ESRRG: variants seen among roughly 807,000 people sequenced by gnomAD.
ESRRG encodes the protein estrogen-related receptor gamma.
ESRRG carries 13 observed loss-of-function variants against 44.0 expected under a neutral mutation model. The ratio of observed to expected loss-of-function variants is 0.30; its 90% CI spans 0.19 to 0.47. The LOEUF (loss-of-function observed/expected upper bound fraction) is 0.47, where lower values mean the gene tolerates loss of function less well. Among genes scored for constraint, ESRRG ranks in the 20% least tolerant of loss-of-function variants. The pLI, the probability that ESRRG is intolerant of heterozygous loss-of-function variation, is 1.00. For missense variants in ESRRG, 395 were observed against 580.6 expected, an observed-to-expected ratio of 0.68 and a Z score of 3.29; for synonymous variants, 215 against 214.6, an observed-to-expected ratio of 1.00 and a Z score of -0.02.
chr1:216,713,311 T>C (rs966389257), intron 1 of ESRRG, among the ~76,000 whole-genome samples: 1 of 151,950 alleles, frequency 6.6e-6, no homozygotes, highest in Non-Finnish European at 1.5e-5. Flanking sequence ...ACAAATACAT[T>C]TATCTTCTCA....
At chr1:216,524,904 T>A (rs547677114) in intron 5 of ESRRG, among the ~76,000 whole-genome samples, 1 of 152,258 alleles carries the variant, frequency 6.6e-6, no homozygotes, top group South Asian at 2.1e-4. Flanking sequence ...AAAGGTAATA[T>A]CTACCAGTCC....
intron 2 of ESRRG, among the ~76,000 whole-genome samples, chr1:216,939,132 G>A (rs901170163): frequency 1.3e-5 from 2 of 151,960 alleles, no homozygotes; most frequent in East Asian, 1.9e-4. Flanking sequence ...TATCTTAAAC[G>A]CAGGACAAGA....
intron 3 of ESRRG, among the ~76,000 whole-genome samples, chr1:216,649,627 T>G (rs968578640): frequency 1.3e-5 from 2 of 152,142 alleles, no homozygotes; most frequent in African/African-American, 4.8e-5. Context: ...CATCTTTTTA[T>G]AAAACTTTAT....
rs568305112 is a variant in ESRRG at position 216,859,511 on chromosome 1, T to A, written c.-14+80071A>T. On this transcript the variant is annotated intron_variant, in intron 2 of 7. Coordinates refer to the ESRRG transcript ENST00000359162. ...AATTGAATATTAAACAGTGCATGCA[T>A]GCAAGGAAACTATTGAAGGCTGGGA... Among the ~76,000 whole-genome samples the A allele has an allele frequency of 6.5e-4, 99 of 152,276 alleles. 1 individual carries two copies. The highest frequency in any genetic ancestry group is 1.4e-3 in the Non-Finnish European group (93 of 68,018).
intron 2 of ESRRG, among the ~76,000 whole-genome samples, chr1:216,794,670 G>C (rs911197691): frequency 2.0e-5 from 3 of 152,148 alleles, no homozygotes; most frequent in African/African-American, 7.2e-5. Flanking sequence ...CTCTGGGAGA[G>C]AGTTATTAGA....
chr1:216,893,604 G>A (rs1006221683), intron 2 of ESRRG, among the ~76,000 whole-genome samples: 5 of 152,016 alleles, frequency 3.3e-5, no homozygotes, highest in African/African-American at 1.2e-4. Context: ...ATTGTAAACA[G>A]GAAAGGACAT....
At chr1:216,988,514 CA>C (rs2075222729) in intron 1 of ESRRG, among the ~76,000 whole-genome samples, 1 of 152,186 alleles carries the variant, frequency 6.6e-6, no homozygotes, top group Non-Finnish European at 1.5e-5. Flanking sequence ...GTTCCCTGTC[CA>C]ACTAGCTCTT....
chr1:217,103,843 T>A (rs987941649), intron 1 of ESRRG, among the ~76,000 whole-genome samples: 1 of 152,090 alleles, frequency 6.6e-6, no homozygotes, highest in Non-Finnish European at 1.5e-5. Flanking sequence ...TGTCAGCATA[T>A]TTTTTCTGTT....
At position 216,763,802 on chromosome 1, in the gene ESRRG, A is replaced by G. The variant is rs147458211; in HGVS notation, c.-13-86311T>C. On this transcript the variant is annotated intron_variant, in intron 2 of 7. Transcript: ENST00000359162. ...TTACGAGCTCTGGGTAAACTGCTCA[A>G]TGTTTATGATCCTTGGTTTTGTCAT... Among the ~76,000 whole-genome samples, 345 of 152,256 alleles carry G rather than the reference A, an allele frequency of 2.3e-3. 2 individuals carry two copies. Among genetic ancestry groups the G allele is most frequent in the African/African-American group, 8.0e-3 (333 of 41,558 alleles).
intron 1 of ESRRG, chr1:216,714,612 T>G: frequency 1.1e-6 from 1 of 951,872 alleles, no homozygotes; most frequent in Non-Finnish European, 1.3e-6. Flanking sequence ...TCATAAATGC[T>G]CTAGACATTA....
At chr1:216,568,279 C>T (rs755247920) in intron 3 of ESRRG, among the ~76,000 whole-genome samples, 181 bp from the exon 4 acceptor site, 2 of 152,130 alleles carry the variant, frequency 1.3e-5, no homozygotes, top group Non-Finnish European at 2.9e-5. Context: ...AGGTTGAAAA[C>T]CAAATCTGTC....
At chr1:216,870,642 T>A (rs1041073574) in intron 2 of ESRRG, among the ~76,000 whole-genome samples, 1 of 152,030 alleles carries the variant, frequency 6.6e-6, no homozygotes, top group Non-Finnish European at 1.5e-5. Flanking sequence ...GCCTGGAGAT[T>A]TCTTTGGCAA....
intron 2 of ESRRG, among the ~76,000 whole-genome samples, chr1:216,923,442 A>G (rs1193154679): frequency 2.0e-5 from 3 of 152,202 alleles, no homozygotes; most frequent in Non-Finnish European, 4.4e-5. Context: ...TTTACCAAAA[A>G]TCGGGACTTT....
intron 1 of ESRRG, among the ~76,000 whole-genome samples, chr1:217,019,672 T>C (rs911722751): frequency 2.6e-4 from 40 of 152,326 alleles, no homozygotes; most frequent in African/African-American, 8.4e-4. Flanking sequence ...GAGCCTGTCA[T>C]ATTCGTTCTT....
chr1:216,874,081 C>T (rs1295105135), intron 2 of ESRRG, among the ~76,000 whole-genome samples: 2 of 151,652 alleles, frequency 1.3e-5, no homozygotes, highest in African/African-American at 2.4e-5. Flanking sequence ...AGGCCACTCT[C>T]TGCCTCTACC....
intron 1 of ESRRG, among the ~76,000 whole-genome samples, chr1:216,686,497 G>A (rs1440492798): frequency 1.3e-5 from 2 of 148,480 alleles, no homozygotes; most frequent in Admixed American, 1.3e-4. Context: ...AGCATCCAGT[G>A]AAGCCAGTAG....
chr1:217,083,306 C>T (rs564679490), intron 1 of ESRRG, among the ~76,000 whole-genome samples: 2 of 152,246 alleles, frequency 1.3e-5, no homozygotes, highest in South Asian at 4.2e-4. Context: ...TCATTCGAAA[C>T]CACAGATACT....
At chr1:217,095,481 C>T (rs953825329) in intron 1 of ESRRG, among the ~76,000 whole-genome samples, 2 of 152,136 alleles carry the variant, frequency 1.3e-5, no homozygotes, top group Non-Finnish European at 2.9e-5. Context: ...GAGTCCACTG[C>T]ACTTGTTGAG....
intron 2 of ESRRG, among the ~76,000 whole-genome samples, chr1:216,853,483 A>G (rs1208557253): frequency 6.6e-6 from 1 of 151,748 alleles, no homozygotes; most frequent in Non-Finnish European, 1.5e-5. Context: ...AATTATACTC[A>G]GTTTCTACAC....
Sources: gnomAD v4.1 joint callset for allele counts (sites outside exome capture counted in the v4.1 genomes callset) on GRCh38, gnomAD v4.1.1 for gene constraint, MANE v1.5 for transcripts, NCBI Gene and HGNC (gene_info 2026-07-23, HGNC 2026-07-21) for gene names.